MREG: variants seen among roughly 807,000 people sequenced by gnomAD.
The protein encoded by MREG is melanoregulin.
A neutral mutation model predicts 28.5 loss-of-function variants in MREG; 31 were observed. The ratio of observed to expected loss-of-function variants is 1.09; its 90% CI spans 0.82 to 1.47. The LOEUF (loss-of-function observed/expected upper bound fraction) is 1.47, where lower values mean the gene tolerates loss of function less well. Ranked by LOEUF, MREG falls within the 40% of genes most tolerant of loss-of-function variation. The pLI, the probability that MREG is intolerant of heterozygous loss-of-function variation, is 0.00. For missense variants in MREG, 256 were observed against 257.4 expected (o/e 0.99, Z 0.04); for synonymous variants, 106 against 95.2 (o/e 1.11, Z -0.66).
At chr2:215,952,554 CT>C (rs1461216477) in intron 2 of MREG, among the ~76,000 whole-genome samples, 1 of 152,058 alleles carries the variant, frequency 6.6e-6, no homozygotes, top group African/African-American at 2.4e-5. Flanking sequence ...TTTAAAAGTA[CT>C]TTTTATTTCT....
At chr2:216,030,981 C>G (rs999665229) in intron 1 of MREG, among the ~76,000 whole-genome samples, 1 of 151,886 alleles carries the variant, frequency 6.6e-6, no homozygotes, top group Non-Finnish European at 1.5e-5. Context: ...CACACACACA[C>G]ACACACACAC....
intron 2 of MREG, among the ~76,000 whole-genome samples, chr2:215,983,572 G>C (rs964669768): frequency 1.3e-5 from 2 of 152,118 alleles, no homozygotes; most frequent in African/African-American, 4.8e-5. Flanking sequence ...CACGTACTGG[G>C]GGCAAATAAA....
intron 1 of MREG, among the ~76,000 whole-genome samples, chr2:216,030,550 A>ATTT (rs538194722): frequency 6.8e-6 from 1 of 148,140 alleles, no homozygotes; most frequent in African/African-American, 2.5e-5. Context: ...ATATTTTGCA[A>ATTT]TTTTTTTTTT....
upstream of MREG, among the ~76,000 whole-genome samples, chr2:216,015,703 G>T (rs1347734911): frequency 2.0e-5 from 3 of 152,206 alleles, no homozygotes; most frequent in Non-Finnish European, 4.4e-5. Context: ...CAGGGTGGTG[G>T]GTGGTAGCAG....
At chr2:215,970,097 C>T (rs1306075487) in intron 2 of MREG, among the ~76,000 whole-genome samples, 1 of 152,132 alleles carries the variant, frequency 6.6e-6, no homozygotes, top group Non-Finnish European at 1.5e-5. Context: ...CAGAATGTGA[C>T]CTTATTTAGA....
chr2:215,964,840 C>CAGAT (rs71935773), intron 2 of MREG, among the ~76,000 whole-genome samples: 19,018 of 149,674 alleles, frequency 0.13, 1,195 homozygotes, highest in African/African-American at 0.15. Context: ...GACAGACAGA[C>CAGAT]AGATAGATAG....
intron 2 of MREG, among the ~76,000 whole-genome samples, chr2:215,974,179 C>G (rs1366543955): frequency 6.6e-6 from 1 of 152,116 alleles, no homozygotes; most frequent in African/African-American, 2.4e-5. Flanking sequence ...CATAAAATGA[C>G]ACATCTCACT....
At chr2:215,975,025 T>TATATATATATATATATGA (rs1693215251) in intron 2 of MREG, among the ~76,000 whole-genome samples, 1 of 145,962 alleles carries the variant, frequency 6.9e-6, no homozygotes, top group Non-Finnish European at 1.5e-5. Flanking sequence ...TATATATATA[T>TATATATATATATATATGA]ATGAAATAAT....
At chr2:215,983,372 C>T (rs1235945055) in intron 2 of MREG, among the ~76,000 whole-genome samples, 1 of 152,234 alleles carries the variant, frequency 6.6e-6, no homozygotes, top group East Asian at 1.9e-4. Flanking sequence ...GTTCAACCCC[C>T]CTTTCCCTGT....
chr2:215,985,717 T>C (rs898333669), intron 2 of MREG, among the ~76,000 whole-genome samples: 5 of 152,202 alleles, frequency 3.3e-5, no homozygotes, highest in African/African-American at 1.2e-4. Flanking sequence ...TACACTGTCT[T>C]GAATTTATTT....
rs201080423 is a variant in MREG at position 215,979,467 on chromosome 2, AAATAATAATAATAATAATAAT to A, written c.255+16818_255+16838del. 2.5e-3 allele frequency among the ~76,000 whole-genome samples: 333 copies of A among 132,474 alleles called. 2 individuals are homozygous for A. Among genetic ancestry groups the A allele is most frequent in the African/African-American group, 9.3e-3 (301 of 32,496 alleles). 86.9% of individuals were successfully genotyped at this position (132,474 alleles called of 152,430 possible). ...AACAAGAGTGAAACTCCATCTCAAAAAATAATAATAATAATAATAATAATAATAATAATAATAATAATAATA... is the reference window on the plus strand; with the variant it reads ...AACAAGAGTGAAACTCCATCTCAAAAAATAATAATAATAATAATAATAATA... On this transcript the variant is annotated intron_variant, in intron 2 of 4. Coordinates refer to ENST00000263268, the MANE Select transcript of MREG (RefSeq NM_018000.3).
intron 2 of MREG, among the ~76,000 whole-genome samples, chr2:215,969,356 C>A (rs1693027251): frequency 6.6e-6 from 1 of 152,176 alleles, no homozygotes; most frequent in Non-Finnish European, 1.5e-5. Context: ...AACATCTGAA[C>A]CACAATGCCA....
At chr2:216,022,350 C>T (rs1694534945) in intron 1 of MREG, among the ~76,000 whole-genome samples, 1 of 152,122 alleles carries the variant, frequency 6.6e-6, no homozygotes, top group Admixed American at 6.6e-5. Context: ...ATCTATGCCT[C>T]GAGTCACCCA....
At chr2:216,029,881 C>T (rs568801164) in intron 1 of MREG, among the ~76,000 whole-genome samples, 1 of 152,314 alleles carries the variant, frequency 6.6e-6, no homozygotes, top group South Asian at 2.1e-4. Flanking sequence ...GAGGAATGTG[C>T]ATGCCAAGCA....
intron 2 of MREG, among the ~76,000 whole-genome samples, chr2:215,989,262 G>A (rs1322317472): frequency 1.3e-5 from 2 of 152,230 alleles, no homozygotes; most frequent in Non-Finnish European, 2.9e-5. Flanking sequence ...AGGGTCTGGA[G>A]TGTACCTCCA....
At chr2:216,020,039 T>G (rs1694499167) in intron 1 of MREG, among the ~76,000 whole-genome samples, 2 of 152,042 alleles carry the variant, frequency 1.3e-5, no homozygotes, top group African/African-American at 4.8e-5. Context: ...AAAAAACACA[T>G]ACGCTGGGCT....
intron 2 of MREG, among the ~76,000 whole-genome samples, chr2:215,986,717 A>C (rs988940639): frequency 2.0e-5 from 3 of 152,172 alleles, no homozygotes; most frequent in Non-Finnish European, 4.4e-5. Context: ...CCCCTGCACA[A>C]GTTCTCTTGC....
intron 4 of MREG, 65 bp from the exon 5 acceptor site, chr2:215,945,062 A>G: frequency 6.8e-7 from 1 of 1,464,234 alleles, no homozygotes; most frequent in South Asian, 1.5e-5. Flanking sequence ...TGTCGATGGG[A>G]AAAAGCAATC....
At chr2:215,966,180 G>GC (rs1489559624) in intron 2 of MREG, among the ~76,000 whole-genome samples, 1 of 152,164 alleles carries the variant, frequency 6.6e-6, no homozygotes, top group African/African-American at 2.4e-5. Flanking sequence ...CATCCTCAAT[G>GC]CCCCAGACCT....
Sources: gnomAD v4.1 joint callset for allele counts (sites outside exome capture counted in the v4.1 genomes callset) on GRCh38, gnomAD v4.1.1 for gene constraint, MANE v1.5 for transcripts, NCBI Gene and HGNC (gene_info 2026-07-23, HGNC 2026-07-21) for gene names.